The following NRIP1 variants were observed in gnomAD, a reference collection of about 807,000 sequenced individuals.
NRIP1 encodes nuclear receptor-interacting protein 1.
A neutral mutation model predicts 75.0 loss-of-function variants in NRIP1; 28 were observed. The observed-to-expected ratio is 0.37, with a 90% CI of 0.28 to 0.51. The LOEUF is 0.51. Ranked by LOEUF, NRIP1 falls within the 20% of genes least tolerant of loss-of-function variation. The pLI is 0.92. For missense variants in NRIP1, 1,435 were observed against 1,343.7 expected (o/e 1.07, Z -1.06); for synonymous variants, 526 against 487.6 (o/e 1.08, Z -1.04).
intron 3 of NRIP1, among the ~76,000 whole-genome samples, chr21:15,007,439 C>T (rs143186304): frequency 7.0e-4 from 107 of 152,146 alleles, no homozygotes; most frequent in African/African-American, 2.4e-3. Flanking sequence ...AAGATAAAAA[C>T]GATAAAAATA....
chr21:15,005,305 T>C (rs925358585), intron 3 of NRIP1, among the ~76,000 whole-genome samples: 10 of 152,154 alleles, frequency 6.6e-5, no homozygotes, highest in Non-Finnish European at 5.9e-5. Context: ...AGAGATGACC[T>C]TGTCATCACA....
Position 14,966,179 on chromosome 21 carries a change from G to T in NRIP1, c.2014C>A (p.Pro672Thr). 6.2e-7 allele frequency: 1 copy of T among 1,613,606 alleles called. No individual in the cohort carries two copies. Among genetic ancestry groups the T allele is most frequent in the Non-Finnish European group, 8.5e-7 (1 of 1,179,902 alleles). The change falls in exon 4 of 4, where the codon CCT becomes ACT. Residue 672 changes from proline to threonine, a missense_variant. Coordinates refer to ENST00000318948, the MANE Select transcript of NRIP1 (RefSeq NM_003489.4). ...PIGMIDRLNS[P>T]LLSNKTNAVE... is the part of the protein sequence containing the mutation. The stretch of plus-strand genomic sequence containing the variant: ...GCATTTGTTTTATTTGAGAGCAAAG[G>T]GCTATTTAATCTATCAATCATACCT...
At chr21:14,983,765 T>C (rs953335237) in intron 3 of NRIP1, among the ~76,000 whole-genome samples, 3 of 152,130 alleles carry the variant, frequency 2.0e-5, no homozygotes, top group Admixed American at 6.6e-5. Context: ...CCTAAACCCT[T>C]AAAAATGACG....
chr21:15,027,721 G>C (rs1326093339), intron 2 of NRIP1, among the ~76,000 whole-genome samples: 1 of 152,124 alleles, frequency 6.6e-6, no homozygotes, highest in African/African-American at 2.4e-5. Flanking sequence ...ATGAGAAATA[G>C]GTAAACTGGA....
At position 15,041,153 on chromosome 21, in the gene NRIP1, T is replaced by C. The variant is rs571158759; in HGVS notation, c.-458+2342A>G. Among the ~76,000 whole-genome samples, 16 of 152,066 alleles carry C rather than the reference T, an allele frequency of 1.1e-4. 1 individual carries two copies. Among genetic ancestry groups the C allele is most frequent in the African/African-American group, 3.1e-4 (13 of 41,488 alleles). On this transcript the variant is annotated intron_variant, in intron 2 of 3. Transcript: ENST00000318948. ...GGTGGTATAATCATAGAATAGAACA[T>C]AGACAATTTAGGGGGAAAAAACAAA...
chr21:15,044,020 T>C (rs947051132), intron 1 of NRIP1, among the ~76,000 whole-genome samples: 1 of 152,106 alleles, frequency 6.6e-6, no homozygotes, highest in African/African-American at 2.4e-5. Context: ...GTTTTCGCCA[T>C]GTTGGCCAGG....
chr21:14,979,366 G>C (rs1369364047), intron 3 of NRIP1, among the ~76,000 whole-genome samples: 1 of 152,090 alleles, frequency 6.6e-6, no homozygotes, highest in African/African-American at 2.4e-5. Flanking sequence ...CTTTGAGATG[G>C]GAGCATCAAT....
At chr21:14,976,954 A>G (rs1339956925) in intron 3 of NRIP1, among the ~76,000 whole-genome samples, 2 of 152,140 alleles carry the variant, frequency 1.3e-5, no homozygotes, top group East Asian at 1.9e-4. Context: ...ATCTCCCCCA[A>G]TTTGTTCTGC....
chr21:15,004,333 G>A (rs758588770), intron 3 of NRIP1, among the ~76,000 whole-genome samples: 20 of 152,170 alleles, frequency 1.3e-4, no homozygotes, highest in Non-Finnish European at 2.4e-4. Context: ...TCATAATGTT[G>A]AAGGTAACTT....
At chr21:14,987,495 C>A (rs1182653508) in intron 3 of NRIP1, among the ~76,000 whole-genome samples, 1 of 152,098 alleles carries the variant, frequency 6.6e-6, no homozygotes, top group East Asian at 1.9e-4. Context: ...CTTGTTAAGG[C>A]CAAGATAAGA....
chr21:14,996,219 T>C (rs552592431), intron 3 of NRIP1, among the ~76,000 whole-genome samples: 2 of 152,320 alleles, frequency 1.3e-5, no homozygotes, highest in African/African-American at 4.8e-5. Context: ...TAGTACTAAG[T>C]CCTTCCTCCA....
chr21:15,011,894 G>C (rs1451945577), intron 3 of NRIP1, among the ~76,000 whole-genome samples: 1 of 152,140 alleles, frequency 6.6e-6, no homozygotes, highest in Non-Finnish European at 1.5e-5. Context: ...TCTTTCAAAA[G>C]AAGGAGCTAA....
At position 14,967,563 on chromosome 21, in the gene NRIP1, G is replaced by A. The variant is rs763522871; in HGVS notation, c.630C>T (p.Leu210=). 35 of 1,614,010 alleles carry A rather than the reference G, an allele frequency of 2.2e-5. No individual in the cohort carries two copies. Among genetic ancestry groups the A allele is most frequent in the Non-Finnish European group, 3.0e-5 (35 of 1,180,026 alleles). ...GAGACTCTGCAAACCTATCTCTGAT[G>A]AGGTTTTTAGTCACATCAGGAAGAT... ...DTNLPDVTKN[L]IRDRFAESPH... Residue 210 remains leucine (L), a synonymous_variant, in exon 4 of 4, where the codon CTC becomes CTT. Transcript: ENST00000318948.
chr21:15,049,152 A>G (rs1208537817), intron 1 of NRIP1, among the ~76,000 whole-genome samples: 1 of 152,188 alleles, frequency 6.6e-6, no homozygotes, highest in Non-Finnish European at 1.5e-5. Context: ...ATTGTCTTAT[A>G]AAATTTCTAA....
intron 3 of NRIP1, among the ~76,000 whole-genome samples, chr21:15,004,776 A>G (rs1264072852): frequency 1.3e-5 from 2 of 152,270 alleles, no homozygotes; most frequent in Admixed American, 6.5e-5. Flanking sequence ...CCTGAATGAT[A>G]CGTGCTGTTA....
At chr21:15,009,998 G>T (rs1453582387) in intron 3 of NRIP1, among the ~76,000 whole-genome samples, 1 of 152,172 alleles carries the variant, frequency 6.6e-6, no homozygotes, top group African/African-American at 2.4e-5. Flanking sequence ...GCAGAGAGGG[G>T]CGGCAACAGC....
At chr21:15,034,330 C>T (rs1349578365) in intron 2 of NRIP1, among the ~76,000 whole-genome samples, 1 of 152,072 alleles carries the variant, frequency 6.6e-6, no homozygotes, top group Non-Finnish European at 1.5e-5. Context: ...TGAAGTAGTT[C>T]CATATGTGGT....
intron 1 of NRIP1, among the ~76,000 whole-genome samples, chr21:15,047,477 T>C (rs1485586271): frequency 2.6e-5 from 4 of 152,250 alleles, no homozygotes; most frequent in African/African-American, 9.6e-5. Flanking sequence ...GAGGCGGAGC[T>C]TGCAGTGAGC....
At chr21:14,971,464 A>G (rs968841406) in intron 3 of NRIP1, 4 of 152,234 alleles carry the variant, frequency 2.6e-5, no homozygotes, top group African/African-American at 9.6e-5. Context: ...AATACAACAT[A>G]TTCTTACTGA....
Sources: gnomAD v4.1 joint callset for allele counts (sites outside exome capture counted in the v4.1 genomes callset) on GRCh38, gnomAD v4.1.1 for gene constraint, MANE v1.5 for transcripts, NCBI Gene and HGNC (gene_info 2026-07-23, HGNC 2026-07-21) for gene names.